Variants in GP5 observed in about 807,000 individuals in gnomAD.
The protein encoded by GP5 is glycoprotein V platelet.
For missense variants in GP5, 755 were observed against 737.1 expected (o/e 1.02, Z -0.28); for synonymous variants, 382 against 353.9 (o/e 1.08, Z -0.89).
In GP5 at chr3:194,397,504, G is replaced by A. The variant is rs1407473800; in HGVS notation, c.779C>T (p.Ala260Val). ...CAGATTGTGCGAATGAAGAAAGAGC[G>A]CAGAGGGGAGAAACGCAAGGTGGTT... is the stretch of plus-strand genomic sequence containing the variant. ...SRNHLAFLPS[A>V]LFLHSHNLTL... Residue 260 changes from alanine to valine, a missense_variant, in exon 2 of 2, where the codon GCG (alanine) becomes GTG (valine). Ala to Val is a moderately conservative substitution (Grantham distance 64). Coordinates refer to ENST00000692618, the MANE Select transcript of GP5 (RefSeq NM_004488.2). This position sits in a 1 kb window ranked among gnomAD's most constrained non-coding sequence, Gnocchi z 7.2. The A allele has an allele frequency of 1.2e-6, 2 of 1,613,910 alleles. No individual in the cohort carries two copies. The highest frequency in any genetic ancestry group is 1.7e-6 in the Non-Finnish European group (2 of 1,179,974).
chr3:194,395,709 G>A lies in GP5; in HGVS notation c.*891C>T, dbSNP rs1404896721. ...AATGGAGCAAGGGAAAAAATGGCAA[G>A]AGCTCTACTTCTCAAATAAAATTCG... On this transcript the variant is annotated 3_prime_UTR_variant, in exon 2 of 2. Transcript: ENST00000692618. 6.6e-6 allele frequency: 1 copy of A among 152,410 alleles called. No homozygotes were observed. Among genetic ancestry groups the A allele is most frequent in the East Asian group, 1.9e-4 (1 of 5,206 alleles). 9.4% of individuals were successfully genotyped at this position (152,410 alleles called of 1,614,324 possible).
rs1714435221 is a variant in GP5, at chr3:194,395,740, G to A, written c.*860C>T. Reference sequence around the variant, plus strand: ...TACTTCTCAAATAAAATTCGATGAAGAGGGCCAGGTGTAGTGGCTTACGCC... The same window carrying A: ...TACTTCTCAAATAAAATTCGATGAAAAGGGCCAGGTGTAGTGGCTTACGCC... On this transcript the variant is annotated 3_prime_UTR_variant, in exon 2 of 2. Coordinates refer to ENST00000692618, the MANE Select transcript of GP5 (RefSeq NM_004488.2). The A allele has an allele frequency of 6.6e-6, 1 of 152,384 alleles. No homozygotes were observed. The highest frequency in any genetic ancestry group is 1.5e-5 in the Non-Finnish European group (1 of 68,144). 9.4% of individuals were successfully genotyped at this position (152,384 alleles called of 1,614,324 possible).
Position 194,397,826 on chromosome 3 carries a change from G to C in GP5, c.457C>G (p.Leu153Val). The change falls in exon 2 of 2, where the codon CTG (leucine) becomes GTG (valine). Residue 153 changes from leucine (L) to valine (V), a missense_variant. Coordinates refer to ENST00000692618, the MANE Select transcript of GP5 (RefSeq NM_004488.2). The surrounding 1 kb of genome is among the most constrained non-coding windows in gnomAD (Gnocchi z 7.2). ...QKLVNLQELALNQNQLDFLPA... is the reference protein window; with the variant it reads ...QKLVNLQELAVNQNQLDFLPA... ...AGGAAATCGAGCTGATTCTGGTTCA[G>C]AGCGAGCTCCTGCAGGTTAACCAGT... 6.2e-7 allele frequency: 1 copy of C among 1,614,128 alleles called. No homozygotes were observed. Among genetic ancestry groups the C allele is most frequent in the African/African-American group, 1.3e-5 (1 of 75,056 alleles).
At position 194,396,959 on chromosome 3, in the gene GP5, G is replaced by T; in HGVS notation, c.1324C>A (p.Leu442Ile). The change falls in exon 2 of 2, where the codon CTC (leucine) becomes ATC (isoleucine). Residue 442 changes from leucine to isoleucine, a missense_variant. Leu to Ile is a conservative substitution (Grantham distance 5). Transcript: ENST00000692618. ...CGTGGGGGCTCTTCCCCGCCCACGA[G>T]GCCTAGGTGCTGCCGCAGCCACCCC... Reference protein sequence around the residue: ...FLGWLRQHLGLVGGEEPPRCA... With the variant: ...FLGWLRQHLGIVGGEEPPRCA... 1 of 1,559,300 alleles carries T rather than the reference G, an allele frequency of 6.4e-7. No individual in the cohort carries two copies.
rs2108670527 is a variant in GP5 at position 194,394,861 on chromosome 3, C to T, written c.*1739G>A. On this transcript the variant is annotated 3_prime_UTR_variant, in exon 2 of 2. Coordinates refer to ENST00000692618, the MANE Select transcript of GP5 (RefSeq NM_004488.2). The stretch of plus-strand genomic sequence containing the variant: ...GATTGTGAGCACAGAGTCTGGCCAC[C>T]CAGGGCTGAGGCCATCCGCAGGGGA... The T allele has an allele frequency of 6.6e-6, 1 of 152,348 alleles. No individual in the cohort carries two copies. Among genetic ancestry groups the T allele is most frequent in the African/African-American group, 2.4e-5 (1 of 41,572 alleles). 9.4% of individuals were successfully genotyped at this position (152,348 alleles called of 1,614,324 possible). A position where few individuals can be genotyped will look rare whatever the true frequency, so the allele number is the denominator to read the frequency against.
In GP5 at chr3:194,396,532, C is replaced by A. The variant is rs894586810; in HGVS notation, c.*68G>T. ...GAGGGGAGGGAGAGCAAGACAGCAG[C>A]GGGTCTGGATTCCCCTCCGAGCCAC... On this transcript the variant is annotated 3_prime_UTR_variant, in exon 2 of 2. Transcript: ENST00000692618. 6.9e-6 allele frequency: 9 copies of A among 1,296,756 alleles called. No individual in the cohort carries two copies. The East Asian group carries it at 1.9e-4, about 28-fold the overall frequency. The allele number at this position is 1,296,756 out of a possible 1,614,324, so 80.3% of individuals were successfully genotyped here.
At chr3:194,398,348 G>A in intron 1 of GP5, 64 bp from the exon 2 acceptor site, 3 of 1,452,878 alleles carry the variant, frequency 2.1e-6, no homozygotes, top group Non-Finnish European at 2.8e-6. Context: ...ACTGAACCCT[G>A]GGATCCTGCA....
chr3:194,396,751 G>A lies in GP5; in HGVS notation c.1532C>T (p.Thr511Ile). Residue 511 changes from threonine to isoleucine, a missense_variant, in exon 2 of 2, where the codon ACC (threonine) becomes ATC (isoleucine). Physicochemically the swap from Thr to Ile is moderately conservative, Grantham distance 89. Coordinates refer to ENST00000692618, the MANE Select transcript of GP5 (RefSeq NM_004488.2). ...SEPWVWAQPV[T>I]TGKGQDHSPF... ...ACTATGATCTTGACCTTTGCCCGTG[G>A]TCACCGGCTGGGCCCACACCCAGGG... is the stretch of plus-strand genomic sequence containing the variant. The A allele has an allele frequency of 6.2e-7, 1 of 1,614,076 alleles. No homozygotes were observed. The highest frequency in any genetic ancestry group is 1.3e-5 in the African/African-American group (1 of 75,036).
In GP5 at chr3:194,397,513, A is replaced by T; in HGVS notation, c.770T>A (p.Leu257His). 1.2e-6 allele frequency: 2 copies of T among 1,614,028 alleles called. No individual in the cohort carries two copies. The highest frequency in any genetic ancestry group is 2.2e-5 in the South Asian group (2 of 91,076). ...CGAATGAAGAAAGAGCGCAGAGGGG[A>T]GAAACGCAAGGTGGTTTCTCGAAAG... is the stretch of plus-strand genomic sequence containing the variant. ...LTLSRNHLAF[L>H]PSALFLHSHN... Residue 257 changes from leucine to histidine, a missense_variant, in exon 2 of 2, where the codon CTC (leucine) becomes CAC (histidine). By Grantham distance (99) the Leu-to-His change is moderately conservative. Coordinates refer to ENST00000692618, the MANE Select transcript of GP5 (RefSeq NM_004488.2). This position sits in a 1 kb window ranked among gnomAD's most constrained non-coding sequence, Gnocchi z 7.2.
At chr3:194,399,133 G>A (rs988372129) in intron 1 of GP5, among the ~76,000 whole-genome samples, 105 bp downstream of exon 1, 1 of 152,160 alleles carries the variant, frequency 6.6e-6, no homozygotes, top group Admixed American at 6.5e-5. Context: ...TTTCCTAAGC[G>A]AAATTTTACA....
Position 194,396,888 on chromosome 3 carries a change from C to T in GP5, c.1395G>A (p.Leu465=), listed in dbSNP as rs1393432434. 6.5e-7 allele frequency: 1 copy of T among 1,537,718 alleles called. No individual in the cohort carries two copies. Among genetic ancestry groups the T allele is most frequent in the Non-Finnish European group, 8.7e-7 (1 of 1,148,170 alleles). The change falls in exon 2 of 2, where the codon CTG becomes CTA. Residue 465 remains leucine (L), a synonymous_variant. Transcript: ENST00000692618. ...GAHAGLPLWA[L]PGGDAECPGP... is the part of the protein sequence containing the mutation. ...CCGGGCACTCCGCGTCACCCCCCGG[C>T]AGGGCCCAGAGCGGCAGGCCGGCGT...
Position 194,398,151 on chromosome 3 carries a change from G to C in GP5, c.132C>G (p.Ser44=). The change falls in exon 2 of 2, where the codon TCC becomes TCG. Residue 44 remains serine (S), a synonymous_variant. Coordinates refer to ENST00000692618, the MANE Select transcript of GP5 (RefSeq NM_004488.2). The part of the protein sequence containing the change: ...QCSGGDVARI[S]ALGLPTNLTH... Reference sequence around the variant, plus strand: ...TGAGGTTGGTGGGCAGGCCTAGCGCGGAGATGCGCGCCACGTCGCCCCCCG... The same window carrying C: ...TGAGGTTGGTGGGCAGGCCTAGCGCCGAGATGCGCGCCACGTCGCCCCCCG... 1 of 1,612,962 alleles carries C rather than the reference G, an allele frequency of 6.2e-7. No individual in the cohort carries two copies. The highest frequency in any genetic ancestry group is 8.5e-7 in the Non-Finnish European group (1 of 1,179,774).
intron 1 of GP5, among the ~76,000 whole-genome samples, chr3:194,398,730 T>C (rs545551127): frequency 7.2e-5 from 11 of 152,316 alleles, no homozygotes; most frequent in African/African-American, 2.6e-4. Flanking sequence ...TCTGATTCTT[T>C]TGCTCACAAT....
At position 194,398,263 on chromosome 3, in the gene GP5, A is replaced by C; in HGVS notation, c.20T>G (p.Leu7Arg). MLRGTL[L>R]CAVLGLLRAQ... ...GCGCAGAAGCCCGAGCACCGCGCAC[A>C]GTAGAGTCCCCCTCAGCATGTCTGA... The change falls in exon 2 of 2, where the codon CTG becomes CGG. Residue 7 changes from leucine to arginine, a missense_variant. Leu to Arg is a moderately radical substitution (Grantham distance 102, BLOSUM62 -2). Coordinates refer to ENST00000692618, the MANE Select transcript of GP5 (RefSeq NM_004488.2). 6.8e-6 allele frequency: 11 copies of C among 1,606,548 alleles called. No individual in the cohort carries two copies. The highest frequency in any genetic ancestry group is 9.4e-6 in the Non-Finnish European group (11 of 1,176,126).
chr3:194,398,571 T>C (rs918983181), intron 1 of GP5, among the ~76,000 whole-genome samples: 12 of 152,238 alleles, frequency 7.9e-5, no homozygotes, highest in Non-Finnish European at 1.3e-4. Flanking sequence ...ACATAGAGAA[T>C]TAAAATAATC....
At position 194,397,227 on chromosome 3, in the gene GP5, G is replaced by A. The variant is rs1003716783; in HGVS notation, c.1056C>T (p.Thr352=). ...QVLALHSNGL[T]ALPDGLLRGL... ...CGCGCAGCAAGCCGTCGGGGAGGGC[G>A]GTCAGGCCGTTGGAGTGCAGGGCGA... The change falls in exon 2 of 2, where the codon ACC becomes ACT. Residue 352 remains threonine (T), a synonymous_variant. Transcript: ENST00000692618. The surrounding 1 kb of genome is among the most constrained non-coding windows in gnomAD (Gnocchi z 7.2). The A allele has an allele frequency of 6.4e-7, 1 of 1,573,624 alleles. No individual in the cohort carries two copies. The highest frequency in any genetic ancestry group is 2.3e-5 in the East Asian group (1 of 43,330).
Position 194,397,299 on chromosome 3 carries a change from G to C in GP5, c.984C>G (p.Ser328Arg). Residue 328 changes from serine to arginine, a missense_variant, in exon 2 of 2, where the codon AGC becomes AGG. Physicochemically the swap from Ser to Arg is moderately radical, Grantham distance 110 (BLOSUM62 -1). Transcript: ENST00000692618. This position sits in a 1 kb window ranked among gnomAD's most constrained non-coding sequence, Gnocchi z 7.2. Reference protein sequence around the residue: ...YLGVTLSPRLSALPQGAFQGL... With the variant: ...YLGVTLSPRLRALPQGAFQGL... The stretch of plus-strand genomic sequence containing the variant: ...CCTGGAAGGCGCCCTGCGGAAGCGC[G>C]CTCAGCCGCGGGCTCAGAGTCACCC... 6.3e-7 allele frequency: 1 copy of C among 1,582,464 alleles called. No individual in the cohort carries two copies. The highest frequency in any genetic ancestry group is 8.5e-7 in the Non-Finnish European group (1 of 1,171,772).
chr3:194,398,051 G>C lies in GP5; in HGVS notation c.232C>G (p.Arg78Gly), dbSNP rs773566428. Residue 78 changes from arginine to glycine, a missense_variant, in exon 2 of 2, where the codon CGC becomes GGC. Physicochemically the swap from Arg to Gly is moderately radical, Grantham distance 125. Coordinates refer to ENST00000692618, the MANE Select transcript of GP5 (RefSeq NM_004488.2). ...ATGTGGCTGTCGGAGATCATGAGGC[G>C]CTGCAGGACGGTCATGCCGCTGAAG... ...QSFSGMTVLQ[R>G]LMISDSHISA... The C allele has an allele frequency of 1.2e-6, 2 of 1,614,004 alleles. No homozygotes were observed. Among genetic ancestry groups the C allele is most frequent in the Admixed American group, 3.3e-5 (2 of 60,028 alleles).
In GP5 at chr3:194,396,788, TG is replaced by T; in HGVS notation, c.1494del (p.Asn499ThrfsTer12). 1 of 1,612,990 alleles carries T rather than the reference TG, an allele frequency of 6.2e-7. No individual in the cohort carries two copies. Among genetic ancestry groups the T allele is most frequent in the South Asian group, 1.1e-5 (1 of 90,890 alleles). On this transcript the variant is annotated frameshift_variant, in exon 2 of 2. Coordinates refer to ENST00000692618, the MANE Select transcript of GP5 (RefSeq NM_004488.2). LOFTEE classifies it low-confidence loss of function (END_TRUNC). Reference protein sequence around the residue: ...SEAPVHPALAPNSSEPWVWAQ... With the variant: ...SEAPVHPALAXNSSEPWVWAQ... ...GCCCACACCCAGGGTTCTGAGCTGTTGGGAGCCAAGGCTGGGTGGACAGGGG... is the reference window on the plus strand; with the variant it reads ...GCCCACACCCAGGGTTCTGAGCTGTTGGAGCCAAGGCTGGGTGGACAGGGG...
Sources: allele counts gnomAD v4.1 joint callset (sites outside exome capture counted in the v4.1 genomes callset), GRCh38; gene constraint gnomAD v4.1.1; non-coding constraint Gnocchi (gnomAD v3.1); transcripts MANE v1.5; gene names NCBI Gene and HGNC (gene_info 2026-07-23, HGNC 2026-07-21).